The following IL2RB variants were observed in gnomAD, a reference collection of about 807,000 sequenced individuals.
IL2RB encodes interleukin-2 receptor subunit beta.
Under a neutral mutation model 44.2 loss-of-function variants are expected in IL2RB, and 17 were observed. The ratio of observed to expected loss-of-function variants is 0.38; its 90% CI spans 0.26 to 0.58. The LOEUF is 0.58. Among genes scored for constraint, IL2RB ranks in the 20% least tolerant of loss-of-function variants. The probability of loss-of-function intolerance (pLI) is 0.63; values close to 1 mark genes in which losing one functional copy is unlikely to be tolerated. For synonymous variants in IL2RB, 286 were observed against 297.9 expected (o/e 0.96, Z 0.41); for missense variants, 624 against 685.5 (o/e 0.91, Z 1.00).
intron 9 of IL2RB, among the ~76,000 whole-genome samples, chr22:37,131,121 C>T (rs1569040912): frequency 1.3e-5 from 2 of 152,246 alleles, no homozygotes; most frequent in South Asian, 4.1e-4. Context: ...GAGCTGAGGT[C>T]GTGCCATTGC....
Position 37,128,570 on chromosome 22 carries a change from C to A in IL2RB, c.1182G>T (p.Glu394Asp). Reference sequence around the variant, plus strand: ...ACCCTGTGGGTGCCCCGGCCACACCCTCATCAGGGTCTTCCTCTGAGTAGG... The same window carrying A: ...ACCCTGTGGGTGCCCCGGCCACACCATCATCAGGGTCTTCCTCTGAGTAGG... The part of the protein sequence containing the change: ...YDPYSEEDPD[E>D]GVAGAPTGSS... Residue 394 changes from glutamate to aspartate, a missense_variant, in exon 10 of 10, where the codon GAG becomes GAT. Around this residue, in one of 3 missense-constraint regions of IL2RB, gnomAD observed 291 missense variants for 275.5 expected, o/e 1.06. Coordinates refer to ENST00000216223, the MANE Select transcript of IL2RB (RefSeq NM_000878.5). This position sits in a 1 kb window ranked among gnomAD's most constrained non-coding sequence, Gnocchi z 4.5. 2 of 1,614,016 alleles carry A rather than the reference C, an allele frequency of 1.2e-6. No individual in the cohort carries two copies. The highest frequency in any genetic ancestry group is 1.7e-6 in the Non-Finnish European group (2 of 1,179,916).
chr22:37,149,947 A>T (rs1922407548), upstream of IL2RB: 1 of 981,338 alleles, frequency 1.0e-6, no homozygotes, highest in Non-Finnish European at 1.2e-6. Context: ...CTAAAAGCCC[A>T]GAGCCAGCCC....
chr22:37,164,097 G>C (rs1922978783), intron 1 of IL2RB, among the ~76,000 whole-genome samples: 1 of 152,238 alleles, frequency 6.6e-6, no homozygotes, highest in South Asian at 2.1e-4. Context: ...GGGTGCGTGA[G>C]GAGAGGCGGC....
At chr22:37,139,689 A>G (rs564966426) in intron 4 of IL2RB, among the ~76,000 whole-genome samples, 6 of 152,292 alleles carry the variant, frequency 3.9e-5, no homozygotes, top group African/African-American at 1.4e-4. Flanking sequence ...TTTAGTGTGA[A>G]AGGCCCTCCC....
intron 1 of IL2RB, among the ~76,000 whole-genome samples, chr22:37,155,492 G>A (rs569804744): frequency 6.6e-6 from 1 of 152,300 alleles, no homozygotes; most frequent in East Asian, 1.9e-4. Context: ...CCTGCCTCCT[G>A]TGCTTTCTCA....
rs534964054 is a variant in IL2RB, at chr22:37,147,910, C to T, written c.-34+1915G>A. ...CCCAACCAGGGGACTCCCATAGCCC[C>T]TATGCCCCTTCACGCTCAATCATGC... On this transcript the variant is annotated intron_variant, in intron 1 of 9. Transcript: ENST00000216223. Among the ~76,000 whole-genome samples, 22 of 152,368 alleles carry T rather than the reference C, an allele frequency of 1.4e-4. 1 individual carries two copies. In the South Asian group the frequency reaches 4.3e-3, roughly 30 times the overall value.
chr22:37,159,879 T>C (rs1366691991), intron 1 of IL2RB, among the ~76,000 whole-genome samples: 1 of 152,234 alleles, frequency 6.6e-6, no homozygotes, highest in Non-Finnish European at 1.5e-5. Flanking sequence ...ATTCCCATGG[T>C]CCCTGCATCT....
chr22:37,141,619 G>C lies in IL2RB; in HGVS notation c.282+815C>G, dbSNP rs1921971977. Among the ~76,000 whole-genome samples, 1 of 152,124 alleles carries C rather than the reference G, an allele frequency of 6.6e-6. No individual in the cohort carries two copies. Among genetic ancestry groups the C allele is most frequent in the African/African-American group, 2.4e-5 (1 of 41,422 alleles). On this transcript the variant is annotated intron_variant, in intron 4 of 9. Transcript: ENST00000216223. This position sits in a 1 kb window ranked among gnomAD's most constrained non-coding sequence, Gnocchi z 4.4. ...AAGCTCAGGGGTGTCTGCTCCCACT[G>C]TCTGGCCTCCTCCTGCTCCAGTGCC...
chr22:37,144,006 T>G, intron 2 of IL2RB, 79 bp downstream of exon 2: 2 of 1,537,844 alleles, frequency 1.3e-6, no homozygotes, highest in Non-Finnish European at 1.8e-6. Context: ...CCCCATCCCC[T>G]TCTGGGAAGA....
intron 9 of IL2RB, among the ~76,000 whole-genome samples, chr22:37,129,586 CACTA>C (rs1278476196): frequency 6.6e-6 from 1 of 152,228 alleles, no homozygotes; most frequent in African/African-American, 2.4e-5. Flanking sequence ...CCCTGGCACT[CACTA>C]ACTGTGTGAC....
intron 1 of IL2RB, among the ~76,000 whole-genome samples, chr22:37,148,888 G>T (rs758317679): frequency 1.3e-5 from 2 of 152,026 alleles, no homozygotes; most frequent in Non-Finnish European, 2.9e-5. Context: ...GGGAGCCCAT[G>T]GTTCATCCAA....
chr22:37,171,196 TG>T (rs1923273099), intron 1 of IL2RB, among the ~76,000 whole-genome samples: 1 of 152,170 alleles, frequency 6.6e-6, no homozygotes, highest in Admixed American at 6.5e-5. Flanking sequence ...CTGGCCAGGC[TG>T]GTCTCAAACT....
chr22:37,144,177 T>A lies in IL2RB; in HGVS notation c.-5A>T, dbSNP rs573820748. ...GGACAGAGCAGGGGCCGCCATTACA[T>A]CCACAGGGTGGAGCCGAGGAAGGAA... On this transcript the variant is annotated 5_prime_UTR_variant, in exon 2 of 10. An upstream start codon of the reference 5' UTR is lost. Coordinates refer to ENST00000216223, the MANE Select transcript of IL2RB (RefSeq NM_000878.5). The A allele has an allele frequency of 6.4e-7, 1 of 1,550,730 alleles. No homozygotes were observed. The highest frequency in any genetic ancestry group is 2.4e-5 in the East Asian group (1 of 40,932).
upstream of IL2RB, chr22:37,175,066 G>A (rs1432191018): frequency 2.0e-5 from 3 of 152,256 alleles, no homozygotes; most frequent in African/African-American, 7.2e-5. Flanking sequence ...CAGAGTGAAG[G>A]GGGAAGGGTC....
At chr22:37,143,918 T>TGTGTGTGC (rs1555897708) in intron 2 of IL2RB, among the ~76,000 whole-genome samples, 167 bp downstream of exon 2, 43 of 108,522 alleles carry the variant, frequency 4.0e-4, no homozygotes, top group African/African-American at 2.1e-3. Context: ...TGTGTGTGTG[T>TGTGTGTGC]GCGCGCATTC....
chr22:37,142,300 G>C, intron 4 of IL2RB, 134 bp downstream of exon 4: 1 of 801,320 alleles, frequency 1.2e-6, no homozygotes, highest in Non-Finnish European at 2.1e-6. Flanking sequence ...GCTCAGCGCT[G>C]GGCATCCTGC....
chr22:37,127,950 G>A lies in IL2RB; in HGVS notation c.*146C>T, dbSNP rs993580874. On this transcript the variant is annotated 3_prime_UTR_variant, in exon 10 of 10. Coordinates refer to ENST00000216223, the MANE Select transcript of IL2RB (RefSeq NM_000878.5). Reference sequence around the variant, plus strand: ...GGAAATGGATGGACCAAGTGTGCAGGACTGGGTGGGGGCCATCCGGGTGGA... The same window carrying A: ...GGAAATGGATGGACCAAGTGTGCAGAACTGGGTGGGGGCCATCCGGGTGGA... The A allele has an allele frequency of 2.9e-5, 16 of 560,610 alleles. No homozygotes were observed. Among genetic ancestry groups the A allele is most frequent in the Non-Finnish European group, 4.3e-5 (15 of 349,808 alleles). 34.7% of individuals were successfully genotyped at this position (560,610 alleles called of 1,614,324 possible).
At chr22:37,157,713 A>G (rs1489588580) in intron 1 of IL2RB, among the ~76,000 whole-genome samples, 1 of 152,188 alleles carries the variant, frequency 6.6e-6, no homozygotes, top group Non-Finnish European at 1.5e-5. Flanking sequence ...TTCTGGGCAC[A>G]AGCCAGTTAC....
At chr22:37,136,156 G>T in intron 7 of IL2RB, 72 bp downstream of exon 7, 1 of 1,488,540 alleles carries the variant, frequency 6.7e-7, no homozygotes, top group East Asian at 2.4e-5. Flanking sequence ...GGCAGGGAGA[G>T]AATGGAGCAG....
Sources: allele counts gnomAD v4.1 joint callset (sites outside exome capture counted in the v4.1 genomes callset), GRCh38; gene constraint gnomAD v4.1.1; regional missense constraint gnomAD v4.1.1; non-coding constraint Gnocchi (gnomAD v3.1); transcripts MANE v1.5; gene names NCBI Gene and HGNC (gene_info 2026-07-23, HGNC 2026-07-21).